RAB28: variants seen among roughly 807,000 people sequenced by gnomAD.
RAB28 encodes the protein RAB28, member RAS oncogene family, also known as ras-related protein Rab-28.
Under a neutral mutation model 31.7 loss-of-function variants are expected in RAB28, and 24 were observed. The observed-to-expected ratio is 0.76, with a 90% CI of 0.55 to 1.06. The LOEUF (loss-of-function observed/expected upper bound fraction) is 1.06, where lower values mean the gene tolerates loss of function less well. Ranked by LOEUF, RAB28 falls within the 50% of genes least tolerant of loss-of-function variation. The pLI, the probability that RAB28 is intolerant of heterozygous loss-of-function variation, is 0.00. For missense variants in RAB28, 254 were observed against 258.5 expected, an observed-to-expected ratio of 0.98 and a Z score of 0.12; for synonymous variants, 100 against 90.4, an observed-to-expected ratio of 1.11 and a Z score of -0.60.
intron 2 of RAB28, 87 bp downstream of exon 2, chr4:13,479,343 C>T: frequency 1.1e-6 from 1 of 904,636 alleles, no homozygotes. Flanking sequence ...TAGAAGCAGC[C>T]CCAAAATTTT....
chr4:13,409,971 T>G (rs542579629), intron 4 of RAB28, among the ~76,000 whole-genome samples: 1 of 152,148 alleles, frequency 6.6e-6, no homozygotes, highest in Admixed American at 6.5e-5. Flanking sequence ...TTTCTAATAG[T>G]TTAGCACCAT....
intron 3 of RAB28, among the ~76,000 whole-genome samples, chr4:13,467,744 A>G (rs1401576097): frequency 6.6e-6 from 1 of 152,000 alleles, no homozygotes; most frequent in African/African-American, 2.4e-5. Context: ...ACATGTGCAA[A>G]GAATAGAAAA....
chr4:13,368,572 A>T lies in RAB28; in HGVS notation c.652T>A (p.Cys218Ser). ...RTVNPPRSSMCAVQ is the reference protein window; with the variant it reads ...RTVNPPRSSMSAVQ ...GAAAAATGCGCTCACTGAACTGCACACATAGAGCTTCTAGGAGGGTTAACA... is the reference window on the plus strand; with the variant it reads ...GAAAAATGCGCTCACTGAACTGCACTCATAGAGCTTCTAGGAGGGTTAACA... Residue 218 changes from cysteine (C) to serine (S), a missense_variant, in exon 7 of 7, where the codon TGT becomes AGT. Physicochemically the swap from Cys to Ser is moderately radical, Grantham distance 112 (BLOSUM62 -1). Coordinates refer to ENST00000330852, the MANE Select transcript of RAB28 (RefSeq NM_001017979.3). 1 of 1,612,028 alleles carries T rather than the reference A, an allele frequency of 6.2e-7. No homozygotes were observed. The highest frequency in any genetic ancestry group is 8.5e-7 in the Non-Finnish European group (1 of 1,178,888).
At chr4:13,410,672 A>G (rs56330347) in intron 4 of RAB28, among the ~76,000 whole-genome samples, 2,272 of 152,294 alleles carry the variant, frequency 0.015, 59 homozygotes, top group African/African-American at 0.052. Flanking sequence ...CAAACAGTCA[A>G]TAAAGAAAAT....
intron 4 of RAB28, among the ~76,000 whole-genome samples, chr4:13,414,781 T>C (rs1339038501): frequency 6.6e-6 from 1 of 152,206 alleles, no homozygotes; most frequent in Non-Finnish European, 1.5e-5. Context: ...TGGTTTAACA[T>C]TAGATCTTTT....
intron 3 of RAB28, 25 bp downstream of exon 3, chr4:13,474,293 G>T: frequency 6.9e-7 from 1 of 1,445,164 alleles, no homozygotes; most frequent in Non-Finnish European, 9.7e-7. Context: ...TTTCAATACT[G>T]GAATAATCAG....
chr4:13,374,920 T>C (rs904940470), intron 6 of RAB28, among the ~76,000 whole-genome samples: 2 of 152,144 alleles, frequency 1.3e-5, no homozygotes, highest in Non-Finnish European at 2.9e-5. Flanking sequence ...CAAAATCTGT[T>C]CTCAAACTCT....
chr4:13,459,962 CT>C, intron 4 of RAB28: 6 of 1,225,826 alleles, frequency 4.9e-6, no homozygotes, highest in Non-Finnish European at 6.4e-6. Context: ...CAGAACTAAA[CT>C]TACCTTCACA....
At position 13,396,599 on chromosome 4, in the gene RAB28, C is replaced by T. The variant is rs537982511; in HGVS notation, c.392-15005G>A. On this transcript the variant is annotated intron_variant, in intron 4 of 6. Coordinates refer to ENST00000330852, the MANE Select transcript of RAB28 (RefSeq NM_001017979.3). ...TAAATATAACTGCCTGGAAAATCCACGTGTTCCACAAACAGATGAAGAAAA... is the reference window on the plus strand; with the variant it reads ...TAAATATAACTGCCTGGAAAATCCATGTGTTCCACAAACAGATGAAGAAAA... Among the ~76,000 whole-genome samples the T allele has an allele frequency of 4.6e-5, 7 of 152,134 alleles. No homozygotes were observed. The South Asian group carries it at 1.5e-3, about 32-fold the overall frequency.
chr4:13,390,266 GACAA>G (rs1425505070), intron 4 of RAB28, among the ~76,000 whole-genome samples: 22 of 152,158 alleles, frequency 1.4e-4, no homozygotes, highest in African/African-American at 4.8e-4. Flanking sequence ...ACCAATAACA[GACAA>G]ACAGAGAGCC....
intron 4 of RAB28, among the ~76,000 whole-genome samples, chr4:13,400,476 T>C (rs1711685199): frequency 6.6e-6 from 1 of 152,202 alleles, no homozygotes; most frequent in Admixed American, 6.5e-5. Context: ...TTGCTGTCTT[T>C]CATTTAGGTC....
intron 4 of RAB28, among the ~76,000 whole-genome samples, chr4:13,444,061 T>C (rs1714564456): frequency 6.6e-6 from 1 of 151,450 alleles, no homozygotes; most frequent in Non-Finnish European, 1.5e-5. Context: ...GGAGTCTCGC[T>C]GTGTCACCCA....
chr4:13,448,871 A>G (rs79800792), intron 4 of RAB28, among the ~76,000 whole-genome samples: 410 of 152,124 alleles, frequency 2.7e-3, no homozygotes, highest in Middle Eastern at 6.8e-3. Context: ...TCACACTTCT[A>G]TTTGAAAAAT....
chr4:13,456,480 A>G (rs914789462), intron 4 of RAB28, among the ~76,000 whole-genome samples: 1 of 152,218 alleles, frequency 6.6e-6, no homozygotes, highest in Admixed American at 6.5e-5. Context: ...TCTTTAAATC[A>G]GCTTTATCCA....
intron 3 of RAB28, among the ~76,000 whole-genome samples, chr4:13,465,948 C>T (rs1715821602): frequency 6.6e-6 from 1 of 151,790 alleles, no homozygotes; most frequent in South Asian, 2.1e-4. Flanking sequence ...TTTTCAACAA[C>T]AGAGCCAGAA....
intron 5 of RAB28, among the ~76,000 whole-genome samples, chr4:13,381,056 G>A (rs565279752): frequency 6.6e-5 from 10 of 152,040 alleles, no homozygotes; most frequent in South Asian, 2.1e-4. Context: ...CTTATTAGCC[G>A]TGTAATCTGG....
At chr4:13,427,711 C>T (rs1229478875) in intron 4 of RAB28, among the ~76,000 whole-genome samples, 1 of 152,120 alleles carries the variant, frequency 6.6e-6, no homozygotes, top group South Asian at 2.1e-4. Context: ...AAGCTGCAAT[C>T]AGAAAAATTC....
At chr4:13,470,298 A>G (rs563088786) in intron 3 of RAB28, among the ~76,000 whole-genome samples, 4 of 152,264 alleles carry the variant, frequency 2.6e-5, no homozygotes, top group South Asian at 4.1e-4. Context: ...CGTAAGAAAC[A>G]CTAACACAAA....
chr4:13,435,776 G>A (rs1714063887), intron 4 of RAB28, among the ~76,000 whole-genome samples: 1 of 152,088 alleles, frequency 6.6e-6, no homozygotes, highest in Non-Finnish European at 1.5e-5. Context: ...GCATTTCACA[G>A]CCAAAATCTA....
Sources: gnomAD v4.1 joint callset for allele counts (sites outside exome capture counted in the v4.1 genomes callset) on GRCh38, gnomAD v4.1.1 for gene constraint, MANE v1.5 for transcripts, NCBI Gene and HGNC (gene_info 2026-07-23, HGNC 2026-07-21) for gene names.